The following LYPD6 variants were observed in gnomAD, a reference collection of about 807,000 sequenced individuals.
The protein encoded by LYPD6 is LY6/PLAUR domain containing 6.
In LYPD6, 15 loss-of-function variants were observed where a neutral mutation model predicts 22.7. That is an observed-to-expected ratio of 0.66 (90% confidence interval 0.44 to 1.02). LYPD6 has a LOEUF of 1.02. Ranked by LOEUF, LYPD6 falls within the 50% of genes least tolerant of loss-of-function variation. The pLI is 0.00. For synonymous variants in LYPD6, 72 were observed against 77.5 expected (o/e 0.93, Z 0.37); for missense variants, 189 against 208.4 (o/e 0.91, Z 0.57).
Position 149,432,427 on chromosome 2 carries a change from C to A in LYPD6, c.-71-5211C>A, listed in dbSNP as rs1453953675. Among the ~76,000 whole-genome samples, 3 of 146,038 alleles carry A rather than the reference C, an allele frequency of 2.1e-5. No individual in the cohort carries two copies. In the Admixed American group the frequency reaches 2.1e-4, roughly 10 times the overall value. ...CTCAGATTTCTGTGCCAGGTGCTTT[C>A]TTTCTGTTTCCTGATCAGAGGTCCG... On this transcript the variant is annotated intron_variant, in intron 1 of 4. Coordinates refer to ENST00000334166, the MANE Select transcript of LYPD6 (RefSeq NM_194317.5).
chr2:149,360,762 G>T (rs1681557178), intron 1 of LYPD6, among the ~76,000 whole-genome samples: 1 of 152,080 alleles, frequency 6.6e-6, no homozygotes, highest in East Asian at 1.9e-4. Context: ...TCATTCTATT[G>T]AAAAGTCCTT....
Position 149,470,942 on chromosome 2 carries a change from A to C in LYPD6, c.*92A>C. ...GTCATTGGCCTGACAGTAATTACACATGTGAGACACAACACTCTTGGAGGT... is the reference window on the plus strand; with the variant it reads ...GTCATTGGCCTGACAGTAATTACACCTGTGAGACACAACACTCTTGGAGGT... On this transcript the variant is annotated 3_prime_UTR_variant, in exon 5 of 5. Coordinates refer to ENST00000334166, the MANE Select transcript of LYPD6 (RefSeq NM_194317.5). 1 of 1,162,756 alleles carries C rather than the reference A, an allele frequency of 8.6e-7. No homozygotes were observed. Among genetic ancestry groups the C allele is most frequent in the Non-Finnish European group, 1.2e-6 (1 of 804,022 alleles). 72.0% of individuals were successfully genotyped at this position (1,162,756 alleles called of 1,614,324 possible). A position where few individuals can be genotyped will look rare whatever the true frequency, so the allele number is the denominator to read the frequency against.
intron 1 of LYPD6, among the ~76,000 whole-genome samples, chr2:149,368,593 A>C (rs1316452100): frequency 6.6e-6 from 1 of 152,176 alleles, no homozygotes; most frequent in Non-Finnish European, 1.5e-5. Flanking sequence ...TGATCATCAG[A>C]GTTCTTGGAT....
chr2:149,400,203 ACTGT>A (rs1682522575), intron 1 of LYPD6, among the ~76,000 whole-genome samples: 1 of 152,186 alleles, frequency 6.6e-6, no homozygotes, highest in African/African-American at 2.4e-5. Context: ...TAGTGTGTCC[ACTGT>A]CTGAGCACTT....
the LYPD6 span, among the ~76,000 whole-genome samples, chr2:149,484,038 T>C: frequency 6.6e-6 from 1 of 152,202 alleles, no homozygotes; most frequent in African/African-American, 2.4e-5. Flanking sequence ...AAAGAGATCA[T>C]GGAAAGCTCT....
intron 1 of LYPD6, among the ~76,000 whole-genome samples, chr2:149,433,969 T>TTTA (rs941247553): frequency 2.0e-5 from 3 of 152,082 alleles, no homozygotes; most frequent in African/African-American, 4.8e-5. Flanking sequence ...ACCATTTCTT[T>TTTA]TTATTATTAT....
At chr2:149,366,827 G>A (rs571404309) in intron 1 of LYPD6, among the ~76,000 whole-genome samples, 1 of 152,254 alleles carries the variant, frequency 6.6e-6, no homozygotes, top group Non-Finnish European at 1.5e-5. Flanking sequence ...AATGGAGCCT[G>A]CAGATTTTCT....
chr2:149,470,671 CCTTT>C lies in LYPD6; in HGVS notation c.349-6_349-3del. 1 of 1,600,760 alleles carries C rather than the reference CCTTT, an allele frequency of 6.2e-7. No individual in the cohort carries two copies. Among genetic ancestry groups the C allele is most frequent in the Non-Finnish European group, 8.5e-7 (1 of 1,170,716 alleles). ...TGGCTTCTCATTATCTTTTTTTCTTCCTTTCTTTCAGGTCTGCACTTCTTGTTGT... is the reference window on the plus strand; with the variant it reads ...TGGCTTCTCATTATCTTTTTTTCTTCCTTTCAGGTCTGCACTTCTTGTTGT... On this transcript the variant is annotated splice_region_variant and splice_polypyrimidine_tract_variant and intron_variant, in intron 4 of 4. Coordinates refer to ENST00000334166, the MANE Select transcript of LYPD6 (RefSeq NM_194317.5).
intron 1 of LYPD6, among the ~76,000 whole-genome samples, chr2:149,386,501 C>T (rs1279799537): frequency 1.3e-5 from 2 of 152,142 alleles, no homozygotes; most frequent in African/African-American, 2.4e-5. Context: ...ATATCAGGCT[C>T]AGAGTGGGGA....
At chr2:149,402,511 A>G (rs1682582642) in intron 1 of LYPD6, among the ~76,000 whole-genome samples, 1 of 152,166 alleles carries the variant, frequency 6.6e-6, no homozygotes, top group Admixed American at 6.6e-5. Context: ...CTAACAGTGT[A>G]GACGTTTTCC....
At chr2:149,360,013 G>A (rs1681541280) in intron 1 of LYPD6, among the ~76,000 whole-genome samples, 1 of 152,128 alleles carries the variant, frequency 6.6e-6, no homozygotes, top group African/African-American at 2.4e-5. Flanking sequence ...AACAAGAGGT[G>A]GATTATTCAT....
At chr2:149,406,177 G>T (rs1375229030) in intron 1 of LYPD6, among the ~76,000 whole-genome samples, 8 of 149,738 alleles carry the variant, frequency 5.3e-5, no homozygotes, top group Middle Eastern at 3.6e-3. Flanking sequence ...TTTGGAATAG[G>T]TGTGGTGTGG....
At chr2:149,338,375 A>G (rs906323633) in intron 1 of LYPD6, among the ~76,000 whole-genome samples, 1 of 152,190 alleles carries the variant, frequency 6.6e-6, no homozygotes, top group African/African-American at 2.4e-5. Context: ...GGTTTATACC[A>G]CAAACTATTA....
At chr2:149,458,999 A>G (rs1046336681) in intron 3 of LYPD6, among the ~76,000 whole-genome samples, 1 of 152,230 alleles carries the variant, frequency 6.6e-6, no homozygotes, top group Non-Finnish European at 1.5e-5. Flanking sequence ...TCAAGAGAAC[A>G]AGAGAAAGAG....
Position 149,470,832 on chromosome 2 carries a change from G to C in LYPD6, c.498G>C (p.Trp166Cys). 1.2e-6 allele frequency: 2 copies of C among 1,613,108 alleles called. No homozygotes were observed. Among genetic ancestry groups the C allele is most frequent in the Non-Finnish European group, 1.7e-6 (2 of 1,179,396 alleles). ...MSVIVSCLWL[W>C]LGLML ...TGATAGTGTCCTGCTTGTGGTTGTG[G>C]TTAGGGCTCATGTTATAGTGGCTCA... is the stretch of plus-strand genomic sequence containing the variant. The change falls in exon 5 of 5, where the codon TGG (tryptophan) becomes TGC (cysteine). Residue 166 changes from tryptophan to cysteine, a missense_variant. Physicochemically the swap from Trp to Cys is radical, Grantham distance 215 (BLOSUM62 -2). Coordinates refer to ENST00000334166, the MANE Select transcript of LYPD6 (RefSeq NM_194317.5).
intron 1 of LYPD6, among the ~76,000 whole-genome samples, chr2:149,344,855 G>A (rs1681225546): frequency 2.0e-5 from 3 of 152,098 alleles, no homozygotes; most frequent in Admixed American, 6.6e-5. Flanking sequence ...TTAAAGTGAG[G>A]GAATACAAGG....
intron 1 of LYPD6, among the ~76,000 whole-genome samples, chr2:149,365,726 T>A (rs1416096533): frequency 1.2e-3 from 184 of 152,332 alleles, no homozygotes; most frequent in Admixed American, 3.0e-3. Context: ...CTACTACACT[T>A]GATCTTAGCC....
At chr2:149,452,069 C>A (rs1364009765) in intron 3 of LYPD6, among the ~76,000 whole-genome samples, 3 of 152,148 alleles carry the variant, frequency 2.0e-5, no homozygotes, top group Non-Finnish European at 4.4e-5. Flanking sequence ...AACTGGAGGT[C>A]CAGCATTGAA....
chr2:149,470,839 C>G lies in LYPD6; in HGVS notation c.505C>G (p.Leu169Val), dbSNP rs1313413398. Residue 169 changes from leucine (L) to valine (V), a missense_variant, in exon 5 of 5, where the codon CTC becomes GTC. Physicochemically the swap from Leu to Val is conservative, Grantham distance 32. Transcript: ENST00000334166. ...GTCCTGCTTGTGGTTGTGGTTAGGG[C>G]TCATGTTATAGTGGCTCAGTGGCTC... ...IVSCLWLWLGLML is the reference protein window; with the variant it reads ...IVSCLWLWLGVML 3.7e-6 allele frequency: 6 copies of G among 1,612,484 alleles called. No individual in the cohort carries two copies. The highest frequency in any genetic ancestry group is 5.1e-6 in the Non-Finnish European group (6 of 1,178,956).
Sources: allele counts gnomAD v4.1 joint callset (sites outside exome capture counted in the v4.1 genomes callset), GRCh38; gene constraint gnomAD v4.1.1; transcripts MANE v1.5; gene names NCBI Gene and HGNC (gene_info 2026-07-23, HGNC 2026-07-21).